The following DDX10 variants were observed in gnomAD, a reference collection of about 807,000 sequenced individuals.
DDX10 encodes the protein probable ATP-dependent RNA helicase DDX10.
A neutral mutation model predicts 104.3 loss-of-function variants in DDX10; 74 were observed. The observed-to-expected ratio is 0.71, with a 90% CI of 0.59 to 0.86. The LOEUF (loss-of-function observed/expected upper bound fraction) is 0.86. DDX10 is among the 40% of genes least tolerant of loss of function. The pLI is 0.00. For synonymous variants in DDX10, 351 were observed against 353.4 expected, an observed-to-expected ratio of 0.99 and a Z score of 0.08; for missense variants, 952 against 1,040.0, an observed-to-expected ratio of 0.92 and a Z score of 1.16.
At chr11:108,933,631 T>C (rs1864001892) in intron 17 of DDX10, among the ~76,000 whole-genome samples, 1 of 152,242 alleles carries the variant, frequency 6.6e-6, no homozygotes, top group South Asian at 2.1e-4. Flanking sequence ...TTTTACAATA[T>C]AATTTCCCTT....
rs564069421 is a variant in DDX10 at position 108,926,626 on chromosome 11, A to C, written c.2450+8608A>C. Among the ~76,000 whole-genome samples the C allele has an allele frequency of 3.5e-4, 54 of 152,348 alleles. 1 individual carries two copies. The South Asian group carries it at 0.011, about 31-fold the overall frequency. ...CAGCTAGAAAAGAGACATTAAGGAC[A>C]TGATACATTTTCACTACCGATTCTA... On this transcript the variant is annotated intron_variant, in intron 17 of 17. Transcript: ENST00000322536.
At chr11:108,706,602 TATCAGAGATTAAAAG>T (rs1237510486) in intron 9 of DDX10, 122 bp from the exon 10 acceptor site, 3 of 695,956 alleles carry the variant, frequency 4.3e-6, no homozygotes, top group Non-Finnish European at 7.7e-6. Context: ...AGTTTTCTGT[TATCAGAGATTAAAAG>T]CCAGTCTCTG....
At chr11:108,697,041 A>C (rs919125191) in intron 9 of DDX10, among the ~76,000 whole-genome samples, 12 of 152,214 alleles carry the variant, frequency 7.9e-5, no homozygotes, top group African/African-American at 2.4e-4. Context: ...AGTTAGAACA[A>C]CATCACATTA....
chr11:108,683,631 A>T (rs528053194), intron 6 of DDX10, among the ~76,000 whole-genome samples: 1 of 152,322 alleles, frequency 6.6e-6, no homozygotes, highest in African/African-American at 2.4e-5. Context: ...TTAGCCCTGC[A>T]ATTTTAGCAG....
At chr11:108,683,405 C>T (rs1050970084) in intron 6 of DDX10, among the ~76,000 whole-genome samples, 12 of 152,206 alleles carry the variant, frequency 7.9e-5, no homozygotes, top group Non-Finnish European at 1.6e-4. Flanking sequence ...TTGTTTCTCC[C>T]CTGTCTTGCA....
intron 13 of DDX10, among the ~76,000 whole-genome samples, chr11:108,746,990 T>C (rs931948392): frequency 6.6e-6 from 1 of 152,270 alleles, no homozygotes; most frequent in East Asian, 1.9e-4. Flanking sequence ...TTATAAGGGC[T>C]TTTTAGCAAG....
chr11:108,668,707 G>A lies in DDX10; in HGVS notation c.186+3368G>A, dbSNP rs577112676. Among the ~76,000 whole-genome samples, 7 of 152,224 alleles carry A rather than the reference G, an allele frequency of 4.6e-5. No homozygotes were observed. In the South Asian group the frequency reaches 1.0e-3, roughly 23 times the overall value. The stretch of plus-strand genomic sequence containing the variant: ...ATTTGACAGGCACTTGTCTAGGCGG[G>A]TGTGAGTATATATGGAAAAAAAATA... On this transcript the variant is annotated intron_variant, in intron 1 of 17. Transcript: ENST00000322536.
intron 16 of DDX10, chr11:108,860,968 T>C (rs533823504): frequency 1.3e-5 from 2 of 152,330 alleles, no homozygotes; most frequent in Admixed American, 6.5e-5. Context: ...GTAAGTTTCC[T>C]ACTGTGCTAG....
intron 13 of DDX10, among the ~76,000 whole-genome samples, chr11:108,740,110 G>A (rs2094323375): frequency 6.6e-6 from 1 of 151,886 alleles, no homozygotes; most frequent in Non-Finnish European, 1.5e-5. Flanking sequence ...TACCTGATAG[G>A]TAGTTTTTTG....
chr11:108,847,028 C>T (rs1195529418), intron 15 of DDX10, among the ~76,000 whole-genome samples: 3 of 152,188 alleles, frequency 2.0e-5, no homozygotes, highest in African/African-American at 4.8e-5. Context: ...CTTATGAGAC[C>T]ACCCCAGCCT....
chr11:108,916,020 A>G lies in DDX10; in HGVS notation c.2305-1853A>G, dbSNP rs933303562. Reference sequence around the variant, plus strand: ...TTCATAAAATATATTTTTATTTAATACAGTATATTAAATGAATAAATATAT... The same window carrying G: ...TTCATAAAATATATTTTTATTTAATGCAGTATATTAAATGAATAAATATAT... On this transcript the variant is annotated intron_variant, in intron 16 of 17. Coordinates refer to ENST00000322536, the MANE Select transcript of DDX10 (RefSeq NM_004398.4). Among the ~76,000 whole-genome samples, 16 of 151,394 alleles carry G rather than the reference A, an allele frequency of 1.1e-4. No homozygotes were observed. The South Asian group carries it at 3.3e-3, about 31-fold the overall frequency.
In DDX10 at chr11:108,749,674, G is replaced by A. The variant is rs190548850; in HGVS notation, c.1965+26212G>A. On this transcript the variant is annotated intron_variant, in intron 13 of 17. Transcript: ENST00000322536. The stretch of plus-strand genomic sequence containing the variant: ...TTAATGTGTAAAATTTGTCAATGAA[G>A]TTGAGTAATTTGTCGTGAAAGAAGT... 6.6e-5 allele frequency among the ~76,000 whole-genome samples: 10 copies of A among 152,242 alleles called. No individual in the cohort carries two copies. In the East Asian group the frequency reaches 1.9e-3, roughly 29 times the overall value.
chr11:108,922,243 C>CAAAAAAAAAAAAAAAAAAAAAAAAAA (rs3030537), intron 17 of DDX10: 2 of 79,350 alleles, frequency 2.5e-5, no homozygotes, highest in African/African-American at 1.1e-4. Flanking sequence ...GACTCCATCT[C>CAAAAAAAAAAAAAAAAAAAAAAAAAA]AAAAAAAAAA....
At position 108,770,769 on chromosome 11, in the gene DDX10, C is replaced by G. The variant is rs574120059; in HGVS notation, c.1965+47307C>G. 2.0e-5 allele frequency among the ~76,000 whole-genome samples: 3 copies of G among 150,586 alleles called. No homozygotes were observed. In the South Asian group the frequency reaches 6.3e-4, roughly 32 times the overall value. ...TCATTTTTTTTTTTAATCCATTCAT[C>G]TGTTGATGGACACTTAGGTTGCTTC... On this transcript the variant is annotated intron_variant, in intron 13 of 17. Transcript: ENST00000322536.
intron 16 of DDX10, among the ~76,000 whole-genome samples, chr11:108,878,164 T>C (rs1001236445): frequency 6.6e-6 from 1 of 152,194 alleles, no homozygotes; most frequent in Non-Finnish European, 1.5e-5. Flanking sequence ...GGACAAGATA[T>C]TTCAGTGTAA....
intron 13 of DDX10, among the ~76,000 whole-genome samples, chr11:108,754,846 A>C (rs1331495461): frequency 6.6e-6 from 1 of 152,074 alleles, no homozygotes; most frequent in Non-Finnish European, 1.5e-5. Flanking sequence ...GGAGCATAAC[A>C]GTTAAAAACC....
chr11:108,768,183 A>G (rs185759866), intron 13 of DDX10, among the ~76,000 whole-genome samples: 94 of 152,280 alleles, frequency 6.2e-4, no homozygotes, highest in African/African-American at 2.2e-3. Flanking sequence ...TGGAGAGTCA[A>G]AAGTTACATG....
At chr11:108,892,186 G>A (rs1222517954) in intron 16 of DDX10, among the ~76,000 whole-genome samples, 1 of 152,126 alleles carries the variant, frequency 6.6e-6, no homozygotes, top group East Asian at 1.9e-4. Flanking sequence ...CCTCATGAAA[G>A]GCTTGGTGCC....
intron 16 of DDX10, among the ~76,000 whole-genome samples, chr11:108,872,217 A>G (rs1390716829): frequency 1.3e-5 from 2 of 152,244 alleles, no homozygotes; most frequent in African/African-American, 4.8e-5. Context: ...TCACAAATAC[A>G]TAGAAGAGAT....
Sources: gnomAD v4.1 joint callset for allele counts (sites outside exome capture counted in the v4.1 genomes callset) on GRCh38, gnomAD v4.1.1 for gene constraint, MANE v1.5 for transcripts, NCBI Gene and HGNC (gene_info 2026-07-23, HGNC 2026-07-21) for gene names.